The following TPST1 variants were observed in gnomAD, a reference collection of about 807,000 sequenced individuals.
TPST1 encodes the protein protein-tyrosine sulfotransferase 1.
TPST1 carries 20 observed loss-of-function variants against 34.8 expected under a neutral mutation model. The observed-to-expected ratio is 0.57, with a 90% CI of 0.40 to 0.84. The LOEUF is 0.84. Among genes scored for constraint, TPST1 ranks in the 40% least tolerant of loss-of-function variants. The probability of loss-of-function intolerance (pLI) is 0.00; values close to 1 mark genes in which losing one functional copy is unlikely to be tolerated. For missense variants in TPST1, 353 were observed against 455.5 expected, an observed-to-expected ratio of 0.78 and a Z score of 2.05; for synonymous variants, 152 against 159.4, an observed-to-expected ratio of 0.95 and a Z score of 0.35.
intron 1 of TPST1, among the ~76,000 whole-genome samples, chr7:66,222,701 T>C (rs1789569790): frequency 6.6e-6 from 1 of 151,862 alleles, no homozygotes. Flanking sequence ...CTGATGTCAA[T>C]GGGGAATGAT....
intron 3 of TPST1, among the ~76,000 whole-genome samples, chr7:66,292,759 G>A (rs997998669): frequency 6.8e-6 from 1 of 146,272 alleles, no homozygotes; most frequent in Non-Finnish European, 1.5e-5. Flanking sequence ...CCACTGTCTG[G>A]CACTCCCTAG....
rs138952224 is a variant in TPST1 at position 66,216,054 on chromosome 7, G to A, written c.-102+10532G>A. ...CCAAAGTGCTGGGATGTGAGCCACC[G>A]CGCCCGGCCAATGTCCTGGTTTTTC... On this transcript the variant is annotated intron_variant, in intron 1 of 5. Coordinates refer to ENST00000304842, the MANE Select transcript of TPST1 (RefSeq NM_003596.4). 4.3e-4 allele frequency among the ~76,000 whole-genome samples: 66 copies of A among 152,214 alleles called. No homozygotes were observed. The East Asian group carries it at 9.3e-3, about 21-fold the overall frequency.
intron 5 of TPST1, among the ~76,000 whole-genome samples, chr7:66,358,483 A>C (rs911542328): frequency 5.3e-5 from 8 of 152,246 alleles, no homozygotes; most frequent in African/African-American, 1.9e-4. Context: ...ATCTATATAT[A>C]AAATTGTATT....
At chr7:66,237,639 G>A (rs1260934073) in intron 1 of TPST1, among the ~76,000 whole-genome samples, 3 of 152,142 alleles carry the variant, frequency 2.0e-5, no homozygotes, top group Non-Finnish European at 4.4e-5. Flanking sequence ...AAACCATTAG[G>A]ACTGGCTGCT....
chr7:66,201,689 T>TA (rs879268756), upstream of TPST1, among the ~76,000 whole-genome samples: 43 of 143,150 alleles, frequency 3.0e-4, no homozygotes, highest in East Asian at 4.0e-4. Flanking sequence ...AGACTCTGTC[T>TA]AAAAAAAAAA....
chr7:66,242,869 A>T (rs1790065450), intron 2 of TPST1, among the ~76,000 whole-genome samples: 1 of 152,190 alleles, frequency 6.6e-6, no homozygotes, highest in African/African-American at 2.4e-5. Flanking sequence ...TTATATTATG[A>T]ATTAATGAAT....
At chr7:66,254,230 A>G (rs1790335007) in intron 2 of TPST1, among the ~76,000 whole-genome samples, 1 of 152,164 alleles carries the variant, frequency 6.6e-6, no homozygotes. Flanking sequence ...AAGCCATTCT[A>G]TCCATAATAC....
chr7:66,233,894 C>G (rs1281443938), intron 1 of TPST1, among the ~76,000 whole-genome samples: 2 of 151,716 alleles, frequency 1.3e-5, no homozygotes, highest in African/African-American at 2.4e-5. Context: ...AAGAGTGTCT[C>G]TCTCTCACCC....
intron 1 of TPST1, among the ~76,000 whole-genome samples, chr7:66,239,169 A>G (rs1428040687): frequency 6.6e-6 from 1 of 152,122 alleles, no homozygotes; most frequent in African/African-American, 2.4e-5. Context: ...TTTCTTTCTT[A>G]AAGAGACAGG....
chr7:66,274,216 A>G (rs1790761302), intron 2 of TPST1, among the ~76,000 whole-genome samples: 1 of 151,898 alleles, frequency 6.6e-6, no homozygotes, highest in South Asian at 2.1e-4. Context: ...AAAATACAAA[A>G]AATTAGTCAG....
intron 3 of TPST1, among the ~76,000 whole-genome samples, chr7:66,320,245 C>CTTTTTTTTTT (rs569746911): frequency 1.6e-5 from 2 of 126,388 alleles, no homozygotes; most frequent in African/African-American, 3.0e-5. Context: ...TTTTCTTTTT[C>CTTTTTTTTTT]TTTTTTTTTT....
intron 1 of TPST1, among the ~76,000 whole-genome samples, chr7:66,212,722 A>C (rs1789291107): frequency 2.0e-5 from 3 of 152,116 alleles, no homozygotes; most frequent in South Asian, 2.1e-4. Context: ...GGCCTCCCAA[A>C]GTGCTGAGGT....
At chr7:66,224,813 A>ATAGTGATTC (rs1789613970) in intron 1 of TPST1, among the ~76,000 whole-genome samples, 1 of 151,254 alleles carries the variant, frequency 6.6e-6, no homozygotes, top group Admixed American at 6.6e-5. Context: ...AGTTCTATTA[A>ATAGTGATTC]TAGTGATTCC....
At chr7:66,254,772 A>G (rs1469917842) in intron 2 of TPST1, among the ~76,000 whole-genome samples, 1 of 152,222 alleles carries the variant, frequency 6.6e-6, no homozygotes, top group African/African-American at 2.4e-5. Flanking sequence ...ACTTTTGTAT[A>G]TCTATATCCC....
chr7:66,310,068 G>A (rs1791501322), intron 3 of TPST1, among the ~76,000 whole-genome samples: 1 of 152,144 alleles, frequency 6.6e-6, no homozygotes, highest in East Asian at 1.9e-4. Context: ...AGGTAGTCTT[G>A]AACTCTCACA....
upstream of TPST1, among the ~76,000 whole-genome samples, chr7:66,203,067 C>G (rs1419840144): frequency 6.6e-6 from 1 of 151,836 alleles, no homozygotes; most frequent in Non-Finnish European, 1.5e-5. Flanking sequence ...GCAACAAGAG[C>G]GAAACTCCAT....
At chr7:66,208,312 G>A (rs924066946) in intron 1 of TPST1, among the ~76,000 whole-genome samples, 7 of 152,132 alleles carry the variant, frequency 4.6e-5, no homozygotes, top group African/African-American at 1.7e-4. Context: ...GGTGCTCTGG[G>A]AGCATCACCC....
At chr7:66,211,426 C>T (rs117510519) in intron 1 of TPST1, among the ~76,000 whole-genome samples, 2,463 of 152,280 alleles carry the variant, frequency 0.016, 63 homozygotes, top group East Asian at 0.093. Context: ...CCACCACGCC[C>T]GGCTGGTCCA....
At chr7:66,232,201 A>AT (rs1319878540) in intron 1 of TPST1, among the ~76,000 whole-genome samples, 29,449 of 113,318 alleles carry the variant, frequency 0.26, 3,979 homozygotes, top group East Asian at 0.33. Context: ...ATTAAAAAAA[A>AT]TTTTTTTTTT....
Sources: gnomAD v4.1 joint callset for allele counts (sites outside exome capture counted in the v4.1 genomes callset) on GRCh38, gnomAD v4.1.1 for gene constraint, MANE v1.5 for transcripts, NCBI Gene and HGNC (gene_info 2026-07-23, HGNC 2026-07-21) for gene names.